Variants in NCK2 observed in about 807,000 individuals in gnomAD.
The protein encoded by NCK2 is NCK adaptor protein 2, also known as cytoplasmic protein NCK2.
A neutral mutation model predicts 33.9 loss-of-function variants in NCK2; 16 were observed. The observed-to-expected ratio is 0.47, with a 90% CI of 0.32 to 0.72. The LOEUF is 0.72. Ranked by LOEUF, NCK2 falls within the 30% of genes least tolerant of loss-of-function variation. The pLI is 0.03. For synonymous variants in NCK2, 273 were observed against 239.9 expected, an observed-to-expected ratio of 1.14 and a Z score of -1.27; for missense variants, 418 against 537.3, an observed-to-expected ratio of 0.78 and a Z score of 2.19.
At position 105,745,112 on chromosome 2, in the gene NCK2, C is replaced by T. The variant is rs1026006152; in HGVS notation, c.-227C>T. ...GCCCCGGGACCCGCGCCGCTGCCCTCCGGCTCCGCGGGCGGCCCACGGCGA... is the reference window on the plus strand; with the variant it reads ...GCCCCGGGACCCGCGCCGCTGCCCTTCGGCTCCGCGGGCGGCCCACGGCGA... On this transcript the variant is annotated 5_prime_UTR_variant, in exon 1 of 5. Transcript: ENST00000233154. The T allele has an allele frequency of 1.3e-5, 2 of 148,170 alleles. No individual in the cohort carries two copies. Among genetic ancestry groups the T allele is most frequent in the African/African-American group, 2.4e-5 (1 of 40,982 alleles). 9.2% of individuals were successfully genotyped at this position (148,170 alleles called of 1,614,324 possible). A position where few individuals can be genotyped will look rare whatever the true frequency, so the allele number is the denominator to read the frequency against.
At chr2:105,772,646 T>A (rs960521540) in intron 1 of NCK2, among the ~76,000 whole-genome samples, 8 of 152,098 alleles carry the variant, frequency 5.3e-5, no homozygotes, top group African/African-American at 1.9e-4. Flanking sequence ...TGGGAATAAG[T>A]CAATGACAAA....
rs114375167 is a variant in NCK2, at chr2:105,873,064, C to A, written c.227-8264C>A. ...GGTCACTGTCCTTCCATATCCCACACCCCCAGTTCCATGATCTTTGGCCAG... is the reference window on the plus strand; with the variant it reads ...GGTCACTGTCCTTCCATATCCCACAACCCCAGTTCCATGATCTTTGGCCAG... On this transcript the variant is annotated intron_variant, in intron 3 of 4. Transcript: ENST00000233154. Among the ~76,000 whole-genome samples the A allele has an allele frequency of 2.7e-3, 416 of 152,354 alleles. 2 individuals are homozygous for A. The highest frequency in any genetic ancestry group is 3.5e-3 in the Non-Finnish European group (239 of 68,042).
intron 1 of NCK2, among the ~76,000 whole-genome samples, chr2:105,780,788 T>C (rs1298069945): frequency 6.6e-6 from 1 of 152,182 alleles, no homozygotes; most frequent in Admixed American, 6.5e-5. Flanking sequence ...CTTCAGCATG[T>C]GAGGACACAG....
chr2:105,766,462 T>A (rs1689951426), intron 1 of NCK2, among the ~76,000 whole-genome samples: 2 of 152,320 alleles, frequency 1.3e-5, no homozygotes, highest in Admixed American at 1.3e-4. Flanking sequence ...TAGCTGAGAC[T>A]ACAGGCATAC....
At chr2:105,802,153 C>T (rs1465341652) in intron 1 of NCK2, among the ~76,000 whole-genome samples, 5 of 152,206 alleles carry the variant, frequency 3.3e-5, no homozygotes, top group Non-Finnish European at 7.4e-5. Context: ...GGGAGTGAGC[C>T]AGGATTTAGG....
chr2:105,800,069 A>G (rs945709445), intron 1 of NCK2, among the ~76,000 whole-genome samples: 9 of 152,218 alleles, frequency 5.9e-5, no homozygotes, highest in African/African-American at 2.2e-4. Flanking sequence ...TTGCACCAGC[A>G]TTTGACAGAG....
At chr2:105,880,083 C>T (rs181106674) in intron 3 of NCK2, among the ~76,000 whole-genome samples, 3 of 152,324 alleles carry the variant, frequency 2.0e-5, no homozygotes, top group Admixed American at 2.0e-4. Context: ...CATTTTAACA[C>T]AGTTAAAACA....
intron 4 of NCK2, among the ~76,000 whole-genome samples, chr2:105,892,493 G>A (rs969979457): frequency 2.2e-5 from 3 of 136,570 alleles, no homozygotes; most frequent in African/African-American, 5.1e-5. Context: ...TTTCAGAATC[G>A]TGGACTACCT....
chr2:105,854,926 C>T, intron 2 of NCK2, 122 bp from the exon 3 acceptor site: 1 of 673,858 alleles, frequency 1.5e-6, no homozygotes, highest in East Asian at 2.7e-5. Flanking sequence ...TTTCAAGACC[C>T]AGGAGAAAAC....
At chr2:105,881,220 T>TC (rs1383671928) in intron 3 of NCK2, 108 bp from the exon 4 acceptor site, 1 of 1,436,710 alleles carries the variant, frequency 7.0e-7, no homozygotes, top group Admixed American at 2.4e-5. Context: ...CCATGTGTCG[T>TC]CCCCTTGTAT....
At chr2:105,866,910 T>G (rs944956534) in intron 3 of NCK2, among the ~76,000 whole-genome samples, 1 of 152,218 alleles carries the variant, frequency 6.6e-6, no homozygotes, top group Non-Finnish European at 1.5e-5. Flanking sequence ...CTGTGAGTCA[T>G]GTAAAAGGAG....
intron 2 of NCK2, among the ~76,000 whole-genome samples, chr2:105,835,452 A>G (rs983145379): frequency 2.1e-5 from 1 of 47,538 alleles, no homozygotes. Context: ...TTTTGAATAT[A>G]TCATAGTGAA....
chr2:105,847,563 G>A (rs2104565111), intron 2 of NCK2, among the ~76,000 whole-genome samples: 1 of 152,196 alleles, frequency 6.6e-6, no homozygotes, highest in Non-Finnish European at 1.5e-5. Flanking sequence ...TGGAACAAGA[G>A]CCAGCCAGCC....
chr2:105,813,002 G>A (rs778431559), intron 1 of NCK2, among the ~76,000 whole-genome samples: 1 of 152,166 alleles, frequency 6.6e-6, no homozygotes, highest in Non-Finnish European at 1.5e-5. Flanking sequence ...CAGCAGATGC[G>A]ATTTGCAGAA....
chr2:105,800,083 A>G (rs1225370126), intron 1 of NCK2, among the ~76,000 whole-genome samples: 1 of 152,210 alleles, frequency 6.6e-6, no homozygotes, highest in Non-Finnish European at 1.5e-5. Context: ...GACAGAGACC[A>G]TGACAGTTTT....
At chr2:105,831,740 C>T (rs1172712120) in intron 2 of NCK2, among the ~76,000 whole-genome samples, 1 of 152,000 alleles carries the variant, frequency 6.6e-6, no homozygotes. Flanking sequence ...CTATTCTGTT[C>T]CCTTTGTCGA....
intron 1 of NCK2, among the ~76,000 whole-genome samples, chr2:105,750,218 A>G (rs1438912670): frequency 1.3e-5 from 2 of 152,086 alleles, no homozygotes; most frequent in African/African-American, 4.8e-5. Context: ...TCACTCACGT[A>G]GCCTTCCTTC....
chr2:105,875,892 T>C (rs1678217461), intron 3 of NCK2, among the ~76,000 whole-genome samples: 1 of 152,238 alleles, frequency 6.6e-6, no homozygotes, highest in African/African-American at 2.4e-5. Flanking sequence ...TTTAAAGTGC[T>C]TGAGATGCTT....
chr2:105,867,119 T>C (rs1677796771), intron 3 of NCK2, among the ~76,000 whole-genome samples: 1 of 152,198 alleles, frequency 6.6e-6, no homozygotes, highest in African/African-American at 2.4e-5. Context: ...AATGTTTGTA[T>C]GTAACATAAG....
Sources: gnomAD v4.1 joint callset for allele counts (sites outside exome capture counted in the v4.1 genomes callset) on GRCh38, gnomAD v4.1.1 for gene constraint, MANE v1.5 for transcripts, NCBI Gene and HGNC (gene_info 2026-07-23, HGNC 2026-07-21) for gene names.